GALNTL6: variants seen among roughly 807,000 people sequenced by gnomAD.
GALNTL6 encodes the protein polypeptide N-acetylgalactosaminyltransferase-like 6.
In GALNTL6, 46 loss-of-function variants were observed where a neutral mutation model predicts 73.7. The ratio of observed to expected loss-of-function variants is 0.62; its 90% CI spans 0.49 to 0.80. GALNTL6 has a LOEUF of 0.80. Ranked by LOEUF, GALNTL6 falls within the 30% of genes least tolerant of loss-of-function variation. The pLI is 0.00. For synonymous variants in GALNTL6, 259 were observed against 263.7 expected (o/e 0.98, Z 0.17); for missense variants, 604 against 755.0 (o/e 0.80, Z 2.34).
intron 5 of GALNTL6, among the ~76,000 whole-genome samples, chr4:172,395,766 T>C (rs945729385): frequency 6.6e-6 from 1 of 152,130 alleles, no homozygotes; most frequent in Non-Finnish European, 1.5e-5. Context: ...TAGCAAAGTT[T>C]TTAATATGGG....
At chr4:172,360,690 C>A (rs1742330312) in intron 5 of GALNTL6, among the ~76,000 whole-genome samples, 1 of 152,166 alleles carries the variant, frequency 6.6e-6, no homozygotes, top group African/African-American at 2.4e-5. Context: ...AGGAAGACTA[C>A]TTCTGTGCAG....
chr4:172,908,224 CTG>C (rs1293702874), intron 8 of GALNTL6, among the ~76,000 whole-genome samples: 1 of 152,132 alleles, frequency 6.6e-6, no homozygotes, highest in Non-Finnish European at 1.5e-5. Context: ...TATTGTTGGA[CTG>C]TGCTTGGCCA....
intron 2 of GALNTL6, among the ~76,000 whole-genome samples, chr4:171,983,900 G>A (rs1388127695): frequency 6.6e-6 from 1 of 152,168 alleles, no homozygotes. Context: ...AAGGAGGAAA[G>A]GAAGTATACA....
rs1414962173 is a variant in GALNTL6, at chr4:171,975,306, G to A, written c.138+160588G>A. Among the ~76,000 whole-genome samples, 4 of 152,108 alleles carry A rather than the reference G, an allele frequency of 2.6e-5. No homozygotes were observed. In the South Asian group the frequency reaches 8.3e-4, roughly 31 times the overall value. ...CTCCAGAATATGTCCTCCCAAGTGT[G>A]ATGCTCTACCCTACTTATCATAATG... On this transcript the variant is annotated intron_variant, in intron 2 of 12. Transcript: ENST00000506823.
intron 5 of GALNTL6, among the ~76,000 whole-genome samples, chr4:172,506,441 GC>G (rs1172939354): frequency 1.8e-5 from 1 of 54,156 alleles, no homozygotes; most frequent in African/African-American, 4.6e-5. Flanking sequence ...CTCTTTCTCT[GC>G]TGAAAACTCT....
intron 2 of GALNTL6, among the ~76,000 whole-genome samples, chr4:172,170,424 A>T (rs1020231904): frequency 6.6e-6 from 1 of 150,978 alleles, no homozygotes; most frequent in African/African-American, 2.4e-5. Context: ...AAGTTTCCTG[A>T]GTCTTCCCCA....
intron 12 of GALNTL6, among the ~76,000 whole-genome samples, chr4:173,035,855 T>C (rs916663503): frequency 3.3e-5 from 5 of 152,202 alleles, no homozygotes; most frequent in African/African-American, 1.2e-4. Flanking sequence ...TGGTGTCGAA[T>C]AGCTGGTCTC....
intron 2 of GALNTL6, among the ~76,000 whole-genome samples, chr4:171,967,425 T>G (rs1739415695): frequency 6.7e-6 from 1 of 150,140 alleles, no homozygotes; most frequent in South Asian, 2.1e-4. Flanking sequence ...TGAGCCTGAT[T>G]GTAGTTTTCT....
At chr4:172,765,348 TTA>T (rs1738347859) in intron 5 of GALNTL6, among the ~76,000 whole-genome samples, 3 of 152,176 alleles carry the variant, frequency 2.0e-5, no homozygotes, top group Admixed American at 1.3e-4. Flanking sequence ...AGTTTCATGT[TTA>T]TATAGTTCTT....
chr4:171,965,042 A>G (rs13435577), intron 2 of GALNTL6, among the ~76,000 whole-genome samples: 3,859 of 152,298 alleles, frequency 0.025, 152 homozygotes, highest in African/African-American at 0.088. Context: ...ACAAATCTCT[A>G]TGTAAATGCC....
At chr4:172,555,935 T>C (rs1172722391) in intron 5 of GALNTL6, among the ~76,000 whole-genome samples, 2 of 152,134 alleles carry the variant, frequency 1.3e-5, no homozygotes, top group East Asian at 3.9e-4. Flanking sequence ...AACTATATTA[T>C]GCACAGTGTA....
intron 12 of GALNTL6, among the ~76,000 whole-genome samples, chr4:173,032,271 AACCCCGTCTCT>A (rs1042419951): frequency 6.6e-6 from 1 of 152,130 alleles, no homozygotes; most frequent in Non-Finnish European, 1.5e-5. Flanking sequence ...AACACGGTGA[AACCCCGTCTCT>A]ACTAAAAATA....
intron 5 of GALNTL6, among the ~76,000 whole-genome samples, chr4:172,381,868 A>G (rs1369631801): frequency 6.6e-6 from 1 of 152,240 alleles, no homozygotes; most frequent in Non-Finnish European, 1.5e-5. Context: ...ACAATGTGTA[A>G]TATTTTGAGG....
intron 5 of GALNTL6, among the ~76,000 whole-genome samples, chr4:172,616,952 C>T (rs1308111969): frequency 6.6e-6 from 1 of 152,096 alleles, no homozygotes; most frequent in African/African-American, 2.4e-5. Context: ...AGTGGAGGGA[C>T]CTCTTACCTT....
chr4:171,893,685 T>A (rs1484966800), intron 2 of GALNTL6, among the ~76,000 whole-genome samples: 1 of 152,164 alleles, frequency 6.6e-6, no homozygotes, highest in East Asian at 1.9e-4. Context: ...AATATATATT[T>A]AAAAATATTT....
chr4:172,723,157 C>T (rs993880347), intron 5 of GALNTL6, among the ~76,000 whole-genome samples: 1 of 152,140 alleles, frequency 6.6e-6, no homozygotes, highest in Non-Finnish European at 1.5e-5. Context: ...AAAGGATCTG[C>T]GTGGTTAGGT....
intron 5 of GALNTL6, among the ~76,000 whole-genome samples, chr4:172,423,633 A>T (rs1447920807): frequency 6.6e-6 from 1 of 152,100 alleles, no homozygotes; most frequent in African/African-American, 2.4e-5. Flanking sequence ...CGTTTTAGTA[A>T]TATTTATCAT....
intron 5 of GALNTL6, among the ~76,000 whole-genome samples, chr4:172,402,843 A>G (rs192974143): frequency 3.3e-5 from 5 of 152,192 alleles, no homozygotes; most frequent in East Asian, 3.9e-4. Context: ...TTTAAAGTAT[A>G]CGATTTTTAC....
intron 5 of GALNTL6, among the ~76,000 whole-genome samples, chr4:172,523,485 C>T (rs1027898967): frequency 6.6e-6 from 1 of 152,144 alleles, no homozygotes; most frequent in Admixed American, 6.5e-5. Context: ...CCACCTCAGC[C>T]TCCTGAGTAG....
Sources: gnomAD v4.1 joint callset for allele counts (sites outside exome capture counted in the v4.1 genomes callset) on GRCh38, gnomAD v4.1.1 for gene constraint, MANE v1.5 for transcripts, NCBI Gene and HGNC (gene_info 2026-07-23, HGNC 2026-07-21) for gene names.